Variants in PCNX1 observed in about 807,000 individuals in gnomAD.
The protein encoded by PCNX1 is pecanex-like protein 1.
PCNX1 carries 78 observed loss-of-function variants against 242.2 expected under a neutral mutation model. The observed-to-expected ratio is 0.32, with a 90% CI of 0.27 to 0.39. The LOEUF (loss-of-function observed/expected upper bound fraction) is 0.39, where lower values mean the gene tolerates loss of function less well. PCNX1 is among the 10% of genes least tolerant of loss of function. The pLI, the probability that PCNX1 is intolerant of heterozygous loss-of-function variation, is 1.00. For missense variants in PCNX1, 2,581 were observed against 2,856.5 expected (o/e 0.90, Z 2.20); for synonymous variants, 1,024 against 1,032.9 (o/e 0.99, Z 0.17).
At chr14:70,926,449 A>G (rs1268174422) in intron 1 of PCNX1, among the ~76,000 whole-genome samples, 2 of 152,166 alleles carry the variant, frequency 1.3e-5, no homozygotes, top group African/African-American at 4.8e-5. Flanking sequence ...GCCCTTATGA[A>G]TATGTAAATA....
chr14:71,013,323 C>T (rs1180391474), intron 11 of PCNX1, 121 bp downstream of exon 11: 4 of 810,950 alleles, frequency 4.9e-6, no homozygotes, highest in Non-Finnish European at 6.5e-6. Flanking sequence ...CTGGTTTTGT[C>T]CTCTGGATAT....
intron 6 of PCNX1, among the ~76,000 whole-genome samples, chr14:70,987,966 A>G (rs181569503): frequency 6.6e-6 from 1 of 152,204 alleles, no homozygotes; most frequent in African/African-American, 2.4e-5. Flanking sequence ...ATGGTAATGA[A>G]GTACCTTTAG....
intron 33 of PCNX1, 110 bp downstream of exon 33, chr14:71,105,550 A>T: frequency 1.2e-6 from 1 of 845,412 alleles, no homozygotes; most frequent in Non-Finnish European, 1.8e-6. Flanking sequence ...ATTCAGAAAT[A>T]GAATTTTTTT....
chr14:71,061,369 A>G (rs1397342896), intron 26 of PCNX1, among the ~76,000 whole-genome samples: 1 of 152,204 alleles, frequency 6.6e-6, no homozygotes, highest in Non-Finnish European at 1.5e-5. Flanking sequence ...ATGGAGAAGT[A>G]CTGTTTGGAG....
At chr14:71,005,177 A>C (rs898075099) in intron 8 of PCNX1, among the ~76,000 whole-genome samples, 3 of 152,172 alleles carry the variant, frequency 2.0e-5, no homozygotes, top group Admixed American at 6.5e-5. Context: ...TCCAAGATAC[A>C]TATAGGTAAC....
At chr14:71,050,383 A>G (rs1240954428) in intron 22 of PCNX1, among the ~76,000 whole-genome samples, 1 of 152,150 alleles carries the variant, frequency 6.6e-6, no homozygotes, top group Non-Finnish European at 1.5e-5. Flanking sequence ...TATGGCCAGT[A>G]GAAGGCATAG....
chr14:71,039,437 T>C (rs2060642776), intron 19 of PCNX1, among the ~76,000 whole-genome samples: 1 of 152,146 alleles, frequency 6.6e-6, no homozygotes, highest in Non-Finnish European at 1.5e-5. Context: ...CACCATAGGC[T>C]GCCTAACTGT....
chr14:71,095,740 C>T (rs1190265117), intron 30 of PCNX1, among the ~76,000 whole-genome samples: 1 of 152,102 alleles, frequency 6.6e-6, no homozygotes, highest in African/African-American at 2.4e-5. Context: ...ACAGAGGCAC[C>T]TCACAGTTTT....
At position 71,067,633 on chromosome 14, in the gene PCNX1, C is replaced by A. The variant is rs148174870; in HGVS notation, c.4853-5912C>A. Among the ~76,000 whole-genome samples, 91 of 152,130 alleles carry A rather than the reference C, an allele frequency of 6.0e-4. No individual in the cohort carries two copies. In the East Asian group the frequency reaches 0.017, roughly 28 times the overall value. On this transcript the variant is annotated intron_variant, in intron 26 of 35. Transcript: ENST00000304743. ...AGTTCTGCTCTGATCTTAGTTATTT[C>A]TTGTCTTCTGCTACCTTTTGAATTC...
intron 26 of PCNX1, among the ~76,000 whole-genome samples, chr14:71,067,205 A>ATAT (rs2061469186): frequency 6.6e-6 from 1 of 151,650 alleles, no homozygotes; most frequent in Non-Finnish European, 1.5e-5. Flanking sequence ...TCTTCTTTAT[A>ATAT]CCTCTGGTAG....
At chr14:71,078,621 G>C (rs2061775735) in intron 28 of PCNX1, 1 of 152,114 alleles carries the variant, frequency 6.6e-6, no homozygotes, top group Non-Finnish European at 1.5e-5. Flanking sequence ...GTGCTACCAG[G>C]CTTGAACTAA....
chr14:71,006,716 TAAACCAATAGTAATATA>T (rs1272846374), intron 8 of PCNX1, among the ~76,000 whole-genome samples: 1 of 152,222 alleles, frequency 6.6e-6, no homozygotes, highest in East Asian at 1.9e-4. Context: ...GTAATCTTCA[TAAACCAATAGTAATATA>T]TATTTATTTC....
intron 19 of PCNX1, among the ~76,000 whole-genome samples, chr14:71,036,716 AACTTTGTTTGG>A (rs1183636874): frequency 6.6e-6 from 1 of 152,206 alleles, no homozygotes; most frequent in African/African-American, 2.4e-5. Context: ...GCAGGACTAT[AACTTTGTTTGG>A]ACTTATTTCT....
chr14:71,023,334 C>G lies in PCNX1; in HGVS notation c.3183+102C>G, dbSNP rs895834100. 4 of 796,150 alleles carry G rather than the reference C, an allele frequency of 5.0e-6. No homozygotes were observed. In the Admixed American group the frequency reaches 6.3e-5, roughly 13 times the overall value. The allele number at this position is 796,150 out of a possible 1,614,324, so 49.3% of individuals were successfully genotyped here. On this transcript the variant is annotated intron_variant, in intron 13 of 35. Coordinates refer to ENST00000304743, the MANE Select transcript of PCNX1 (RefSeq NM_014982.3). ...TTTTGTTTTGTTTGGAATGCATCAGCCTGAACTAAAATTTATGTTATTATT... is the reference window on the plus strand; with the variant it reads ...TTTTGTTTTGTTTGGAATGCATCAGGCTGAACTAAAATTTATGTTATTATT...
intron 28 of PCNX1, among the ~76,000 whole-genome samples, chr14:71,084,955 C>T (rs2061947176): frequency 1.3e-5 from 2 of 152,174 alleles, no homozygotes; most frequent in African/African-American, 4.8e-5. Flanking sequence ...GTGCTTGAAA[C>T]CCAGGGCCCT....
At chr14:71,046,336 T>C (rs751389421) in intron 20 of PCNX1, among the ~76,000 whole-genome samples, 10 of 152,092 alleles carry the variant, frequency 6.6e-5, no homozygotes, top group Non-Finnish European at 1.3e-4. Flanking sequence ...TTTTTAAATC[T>C]TAGAACATGT....
intron 2 of PCNX1, among the ~76,000 whole-genome samples, chr14:70,961,066 A>G (rs1224077978): frequency 1.3e-5 from 2 of 152,212 alleles, no homozygotes; most frequent in African/African-American, 2.4e-5. Context: ...GGAAGAATCA[A>G]TATCGTGAAA....
intron 26 of PCNX1, among the ~76,000 whole-genome samples, chr14:71,072,777 A>G (rs996630214): frequency 1.1e-4 from 16 of 152,180 alleles, no homozygotes; most frequent in Non-Finnish European, 1.9e-4. Flanking sequence ...AGTGTAACAG[A>G]TGGTATTTTG....
intron 8 of PCNX1, among the ~76,000 whole-genome samples, chr14:70,996,835 G>C (rs1475456366): frequency 6.6e-6 from 1 of 152,110 alleles, no homozygotes; most frequent in Non-Finnish European, 1.5e-5. Flanking sequence ...GGTATAAGTT[G>C]CCCAAATTAG....
Sources: allele counts gnomAD v4.1 joint callset (sites outside exome capture counted in the v4.1 genomes callset), GRCh38; gene constraint gnomAD v4.1.1; transcripts MANE v1.5; gene names NCBI Gene and HGNC (gene_info 2026-07-23, HGNC 2026-07-21).